Variants in LTBP1 observed in about 807,000 individuals in gnomAD.
The protein encoded by LTBP1 is latent-transforming growth factor beta-binding protein 1.
A neutral mutation model predicts 207.6 loss-of-function variants in LTBP1; 129 were observed. That is an observed-to-expected ratio of 0.62 (90% confidence interval 0.54 to 0.72). LTBP1 has a LOEUF of 0.72. LTBP1 is among the 30% of genes least tolerant of loss of function. The pLI is 0.00. For synonymous variants in LTBP1, 963 were observed against 833.7 expected, an observed-to-expected ratio of 1.16 and a Z score of -2.67; for missense variants, 2,281 against 2,217.2, an observed-to-expected ratio of 1.03 and a Z score of -0.58.
intron 5 of LTBP1, among the ~76,000 whole-genome samples, chr2:33,136,484 T>C (rs1185250584): frequency 6.6e-6 from 1 of 152,186 alleles, no homozygotes; most frequent in African/African-American, 2.4e-5. Context: ...AATACTATTT[T>C]CTGGCTTAAA....
chr2:33,276,018 G>A (rs1406214896), intron 18 of LTBP1, 95 bp downstream of exon 18: 29 of 1,420,894 alleles, frequency 2.0e-5, no homozygotes, highest in Admixed American at 1.3e-4. Context: ...CACTCAGTGC[G>A]TGACACCAGT....
chr2:33,174,162 C>T (rs77791221), intron 5 of LTBP1, among the ~76,000 whole-genome samples: 54,887 of 129,134 alleles, frequency 0.43, 11,611 homozygotes, highest in Non-Finnish European at 0.47. Context: ...CCAGGGCAAT[C>T]AGGCAGGAGA....
chr2:33,365,544 G>A (rs1340313560), intron 31 of LTBP1, 41 bp downstream of exon 31: 39 of 1,593,314 alleles, frequency 2.4e-5, no homozygotes, highest in Non-Finnish European at 3.3e-5. Flanking sequence ...GGCCTTTGGG[G>A]ACAAGTTCAT....
chr2:33,094,708 ACAGAT>A (rs2150066467), intron 3 of LTBP1, among the ~76,000 whole-genome samples: 1 of 152,304 alleles, frequency 6.6e-6, no homozygotes, highest in South Asian at 2.1e-4. Flanking sequence ...GTTAGAGGTT[ACAGAT>A]TCCCCAGTTG....
intron 22 of LTBP1, among the ~76,000 whole-genome samples, chr2:33,303,634 G>A (rs1421932438): frequency 6.6e-6 from 1 of 152,128 alleles, no homozygotes; most frequent in African/African-American, 2.4e-5. Flanking sequence ...ACAGGCGTGA[G>A]CCACCGCACC....
In LTBP1 at chr2:32,947,540, C is replaced by A. The variant is rs961995643; in HGVS notation, c.216C>A (p.Pro72=). ...GCAGCTCGGCGGCTGCCGGCGCCCC[C>A]AGCCGTGCCTCCCCCGGGGTCCCCT... is the stretch of plus-strand genomic sequence containing the variant. ...YSRSSAAAGA[P]SRASPGVPSE... is the part of the protein sequence containing the mutation. The change falls in exon 1 of 34, where the codon CCC becomes CCA. Residue 72 remains proline, a synonymous_variant. Transcript: ENST00000404816. The A allele has an allele frequency of 7.2e-7, 1 of 1,387,746 alleles. No homozygotes were observed. Among genetic ancestry groups the A allele is most frequent in the Non-Finnish European group, 9.3e-7 (1 of 1,072,988 alleles). The allele number at this position is 1,387,746 out of a possible 1,614,324, so 86.0% of individuals were successfully genotyped here. A position where few individuals can be genotyped will look rare whatever the true frequency, so the allele number is the denominator to read the frequency against.
chr2:33,364,096 A>C, intron 29 of LTBP1, 120 bp from the exon 30 acceptor site: 1 of 846,384 alleles, frequency 1.2e-6, no homozygotes. Context: ...ATGTGTGGTT[A>C]ATTAAAATTT....
In LTBP1 at chr2:33,399,075, TTGTC is replaced by T. The variant is rs764669476; in HGVS notation, c.*535_*538del. 3.9e-5 allele frequency: 6 copies of T among 152,662 alleles called. No homozygotes were observed. The highest frequency in any genetic ancestry group is 5.9e-5 in the Non-Finnish European group (4 of 68,048). The allele number at this position is 152,662 out of a possible 1,614,324, so 9.5% of individuals were successfully genotyped here. On this transcript the variant is annotated 3_prime_UTR_variant, in exon 34 of 34. Coordinates refer to ENST00000404816, the MANE Select transcript of LTBP1 (RefSeq NM_206943.4). ...GCCTGGAGCATTTTTGAAATTCAAA[TTGTC>T]TGTCCTGTGGAGCAGGCAGTGATTT...
intron 2 of LTBP1, among the ~76,000 whole-genome samples, chr2:33,004,030 G>T (rs1008641267): frequency 5.9e-5 from 9 of 151,392 alleles, no homozygotes; most frequent in Admixed American, 2.6e-4. Flanking sequence ...AAAAGCCCTT[G>T]TTTTCCTTTA....
chr2:33,116,697 A>T (rs2080765142), intron 4 of LTBP1, among the ~76,000 whole-genome samples: 1 of 151,890 alleles, frequency 6.6e-6, no homozygotes, highest in Non-Finnish European at 1.5e-5. Context: ...TCTTAAAAAA[A>T]TTGTCTAGTT....
At chr2:32,997,284 G>A (rs1454784112) in intron 2 of LTBP1, among the ~76,000 whole-genome samples, 1 of 152,110 alleles carries the variant, frequency 6.6e-6, no homozygotes, top group Non-Finnish European at 1.5e-5. Context: ...GCTGAGGTGG[G>A]AGGATTGCTT....
At chr2:33,146,086 A>G (rs1314855362) in intron 5 of LTBP1, among the ~76,000 whole-genome samples, 1 of 152,222 alleles carries the variant, frequency 6.6e-6, no homozygotes, top group Non-Finnish European at 1.5e-5. Flanking sequence ...AAAAGCACTA[A>G]AAGGACTAAT....
intron 14 of LTBP1, among the ~76,000 whole-genome samples, 158 bp from the exon 15 acceptor site, chr2:33,263,136 A>G (rs1425530823): frequency 1.3e-5 from 2 of 152,206 alleles, no homozygotes; most frequent in Non-Finnish European, 2.9e-5. Context: ...TATTCTTGCT[A>G]AATGTTGAAC....
chr2:33,332,372 CAAAAAAAAAAAAAAAAAA>C (rs745342264), intron 24 of LTBP1, among the ~76,000 whole-genome samples: 4 of 52,478 alleles, frequency 7.6e-5, no homozygotes, highest in African/African-American at 3.2e-4. Context: ...ACACCATCTC[CAAAAAAAAAAAAAAAAAA>C]AAAAAAAAGA....
Position 32,947,615 on chromosome 2 carries a change from G to A in LTBP1, c.291G>A (p.Gly97=). 3.7e-6 allele frequency: 5 copies of A among 1,338,030 alleles called. No individual in the cohort carries two copies. 82.9% of individuals were successfully genotyped at this position (1,338,030 alleles called of 1,614,324 possible). ...TSKPGGAALQ[G]LRPPPPPPPE... ...AGCCGGGCGGCGCGGCCCTGCAGGG[G>A]CTCAGACCGCCGCCGCCGCCGCCGC... Residue 97 remains glycine, a synonymous_variant, in exon 1 of 34, where the codon GGG becomes GGA. Transcript: ENST00000404816.
intron 5 of LTBP1, among the ~76,000 whole-genome samples, chr2:33,164,497 T>TGTTTA (rs1409695726): frequency 6.6e-6 from 1 of 152,034 alleles, no homozygotes; most frequent in Non-Finnish European, 1.5e-5. Context: ...GTTTAGGATG[T>TGTTTA]GGGCCTATCT....
At chr2:33,080,981 A>T (rs913777014) in intron 3 of LTBP1, among the ~76,000 whole-genome samples, 1 of 152,226 alleles carries the variant, frequency 6.6e-6, no homozygotes, top group Non-Finnish European at 1.5e-5. Flanking sequence ...GTTTCATTTG[A>T]CATGGGAGCT....
intron 4 of LTBP1, among the ~76,000 whole-genome samples, chr2:33,130,130 A>G (rs1287327214): frequency 6.6e-6 from 1 of 152,168 alleles, no homozygotes; most frequent in Admixed American, 6.5e-5. Context: ...TTTGTCCTTC[A>G]AAGAATTCTT....
At chr2:33,377,510 G>C (rs1286959824) in intron 31 of LTBP1, among the ~76,000 whole-genome samples, 1 of 152,170 alleles carries the variant, frequency 6.6e-6, no homozygotes, top group Non-Finnish European at 1.5e-5. Context: ...CTGCATGGAA[G>C]TGCTAGGGAA....
Sources: allele counts gnomAD v4.1 joint callset (sites outside exome capture counted in the v4.1 genomes callset), GRCh38; gene constraint gnomAD v4.1.1; transcripts MANE v1.5; gene names NCBI Gene and HGNC (gene_info 2026-07-23, HGNC 2026-07-21).